The following GSE1 variants were observed in gnomAD, a reference collection of about 807,000 sequenced individuals.
The protein encoded by GSE1 is genetic suppressor element 1.
A neutral mutation model predicts 112.6 loss-of-function variants in GSE1; 32 were observed. The observed-to-expected ratio is 0.28, with a 90% confidence interval of 0.21 to 0.38. The LOEUF (loss-of-function observed/expected upper bound fraction) is 0.38. Ranked by LOEUF, GSE1 falls within the 10% of genes least tolerant of loss-of-function variation. The pLI, the probability that GSE1 is intolerant of heterozygous loss-of-function variation, is 1.00. For synonymous variants in GSE1, 1,115 were observed against 735.6 expected (o/e 1.52, Z -8.35); for missense variants, 2,348 against 1,699.2 (o/e 1.38, Z -6.71).
At chr16:85,588,273 A>T (rs911797064) in intron 1 of GSE1, among the ~76,000 whole-genome samples, 1 of 152,200 alleles carries the variant, frequency 6.6e-6, no homozygotes, top group Non-Finnish European at 1.5e-5. Flanking sequence ...GGCATCGGCC[A>T]CCAGCCTGGC....
intron 1 of GSE1, among the ~76,000 whole-genome samples, chr16:85,581,358 G>C (rs1057091442): frequency 2.6e-5 from 4 of 152,210 alleles, no homozygotes; most frequent in Non-Finnish European, 5.9e-5. Context: ...CAGGTTGCTG[G>C]GGGCCGTACT....
chr16:85,464,236 C>T (rs945996141), intron 2 of GSE1, among the ~76,000 whole-genome samples: 1 of 151,910 alleles, frequency 6.6e-6, no homozygotes, highest in African/African-American at 2.4e-5. Flanking sequence ...GTGGAGAGGT[C>T]GCGAACGGTT....
intron 1 of GSE1, among the ~76,000 whole-genome samples, chr16:85,351,237 C>G (rs907469039): frequency 6.6e-6 from 1 of 152,206 alleles, no homozygotes; most frequent in African/African-American, 2.4e-5. Flanking sequence ...CAACCAGTTC[C>G]TGCCGAAGAG....
At chr16:85,600,425 C>T (rs1474944614) in intron 1 of GSE1, among the ~76,000 whole-genome samples, 6 of 151,874 alleles carry the variant, frequency 4.0e-5, no homozygotes, top group South Asian at 4.2e-4. Context: ...AGGGCTCTCT[C>T]GAGGACCACT....
At chr16:85,446,614 C>A (rs886315782) in intron 2 of GSE1, among the ~76,000 whole-genome samples, 2 of 152,102 alleles carry the variant, frequency 1.3e-5, no homozygotes, top group East Asian at 3.9e-4. Context: ...GGGGCTCGAC[C>A]CCTATGGGGT....
chr16:85,299,517 TG>T (rs1249917629), intron 1 of GSE1, among the ~76,000 whole-genome samples: 1 of 152,262 alleles, frequency 6.6e-6, no homozygotes, highest in Non-Finnish European at 1.5e-5. Context: ...GGCCTGCCTC[TG>T]GGCCTCCAGT....
At chr16:85,439,885 C>G (rs979199084) in intron 2 of GSE1, among the ~76,000 whole-genome samples, 1 of 152,294 alleles carries the variant, frequency 6.6e-6, no homozygotes, top group South Asian at 2.1e-4. Context: ...TACACAGGTA[C>G]ACACAGGCAT....
At chr16:85,465,836 A>G (rs1411946063) in intron 2 of GSE1, among the ~76,000 whole-genome samples, 3 of 152,252 alleles carry the variant, frequency 2.0e-5, no homozygotes, top group African/African-American at 7.2e-5. Flanking sequence ...GTAGGTGCCC[A>G]ATAAATGTTT....
At chr16:85,480,532 T>G (rs1293523534) in intron 2 of GSE1, among the ~76,000 whole-genome samples, 1 of 152,172 alleles carries the variant, frequency 6.6e-6, no homozygotes, top group Non-Finnish European at 1.5e-5. Context: ...CACCCGTTCT[T>G]TGTCCTGGGA....
chr16:85,587,275 G>C (rs1224832735), intron 1 of GSE1, among the ~76,000 whole-genome samples: 2 of 152,168 alleles, frequency 1.3e-5, no homozygotes, highest in Non-Finnish European at 2.9e-5. Context: ...GCGATGTGGA[G>C]CCCCAATTGC....
chr16:85,186,647 C>T (rs947579148), intron 1 of GSE1, among the ~76,000 whole-genome samples: 9 of 151,340 alleles, frequency 5.9e-5, no homozygotes, highest in African/African-American at 9.7e-5. Flanking sequence ...TGGCGCATGT[C>T]TGTGGTCCCA....
At chr16:85,446,599 G>A (rs873422) in intron 2 of GSE1, among the ~76,000 whole-genome samples, 62,672 of 152,018 alleles carry the variant, frequency 0.41, 13,835 homozygotes, top group Admixed American at 0.51. Flanking sequence ...AGGGTAGCCC[G>A]GGGTGGGGCT....
Position 85,280,544 on chromosome 16 carries a change from C to T in GSE1, c.2284-76919C>T, listed in dbSNP as rs528385856. On this transcript the variant is annotated intron_variant, in intron 1 of 2. Transcript: ENST00000637419. ...TCGAGTAGCTGGGACTACAGGCGCC[C>T]GCCACCATACCTGGCCAATTTTTGT... is the stretch of plus-strand genomic sequence containing the variant. 6.6e-5 allele frequency among the ~76,000 whole-genome samples: 10 copies of T among 152,238 alleles called. No homozygotes were observed. In the East Asian group the frequency reaches 1.7e-3, roughly 27 times the overall value.
chr16:85,227,286 T>A (rs1318319023), intron 1 of GSE1, among the ~76,000 whole-genome samples: 1 of 152,224 alleles, frequency 6.6e-6, no homozygotes, highest in Non-Finnish European at 1.5e-5. Flanking sequence ...AGATGGTTAG[T>A]CATCCTGCAG....
intron 1 of GSE1, among the ~76,000 whole-genome samples, chr16:85,225,080 G>A (rs986690815): frequency 1.3e-5 from 2 of 152,030 alleles, no homozygotes; most frequent in Non-Finnish European, 2.9e-5. Context: ...GCAGTGAGCC[G>A]AGATCGCGCC....
At chr16:85,375,848 T>C (rs1344410610) in intron 2 of GSE1, among the ~76,000 whole-genome samples, 2 of 152,186 alleles carry the variant, frequency 1.3e-5, no homozygotes, top group Non-Finnish European at 2.9e-5. Context: ...GGAAAGAACA[T>C]GTATTAAGTG....
intron 2 of GSE1, among the ~76,000 whole-genome samples, chr16:85,374,553 C>T (rs1403895878): frequency 7.0e-5 from 10 of 142,720 alleles, no homozygotes; most frequent in East Asian, 4.2e-4. Context: ...TGCGCGCGCG[C>T]GTGCACAGGT....
At chr16:85,521,063 G>A (rs561173189) in intron 2 of GSE1, among the ~76,000 whole-genome samples, 36 of 152,220 alleles carry the variant, frequency 2.4e-4, no homozygotes, top group East Asian at 7.7e-4. Context: ...TGGGTTCTTC[G>A]TGAAGATCTC....
At chr16:85,535,362 G>C (rs1259869313) in intron 2 of GSE1, among the ~76,000 whole-genome samples, 1 of 152,194 alleles carries the variant, frequency 6.6e-6, no homozygotes, top group African/African-American at 2.4e-5. Flanking sequence ...TCTCCGGGGG[G>C]TATGAGATTC....
Sources: gnomAD v4.1 joint callset for allele counts (sites outside exome capture counted in the v4.1 genomes callset) on GRCh38, gnomAD v4.1.1 for gene constraint, MANE v1.5 for transcripts, NCBI Gene and HGNC (gene_info 2026-07-23, HGNC 2026-07-21) for gene names.